The following IQSEC1 variants were observed in gnomAD, a reference collection of about 807,000 sequenced individuals.
The protein encoded by IQSEC1 is IQ motif and Sec7 domain ArfGEF 1, also known as IQ motif and SEC7 domain-containing protein 1.
IQSEC1 carries 31 observed loss-of-function variants against 91.0 expected under a neutral mutation model. The observed-to-expected ratio is 0.34, with a 90% CI of 0.26 to 0.46. The LOEUF (loss-of-function observed/expected upper bound fraction) is 0.46, where lower values mean the gene tolerates loss of function less well. Ranked by LOEUF, IQSEC1 falls within the 20% of genes least tolerant of loss-of-function variation. The pLI is 1.00. For missense variants in IQSEC1, 1,388 were observed against 1,575.6 expected, an observed-to-expected ratio of 0.88 and a Z score of 2.02; for synonymous variants, 699 against 662.6, an observed-to-expected ratio of 1.05 and a Z score of -0.84.
chr3:13,164,922 A>G (rs1289259600), intron 1 of IQSEC1, among the ~76,000 whole-genome samples: 2 of 152,152 alleles, frequency 1.3e-5, no homozygotes, highest in Non-Finnish European at 2.9e-5. Flanking sequence ...AGAAATAAAA[A>G]CTTACTTAAC....
At chr3:13,228,648 G>A (rs1019232845) in intron 1 of IQSEC1, among the ~76,000 whole-genome samples, 1 of 152,164 alleles carries the variant, frequency 6.6e-6, no homozygotes, top group Non-Finnish European at 1.5e-5. Flanking sequence ...GGCCTGCAAG[G>A]AGTGGCAGGA....
At chr3:12,987,568 T>C (rs766900367) in intron 1 of IQSEC1, among the ~76,000 whole-genome samples, 1 of 152,066 alleles carries the variant, frequency 6.6e-6, no homozygotes, top group South Asian at 2.1e-4. Flanking sequence ...ACACGAAAAA[T>C]GTTAATAAAG....
intron 3 of IQSEC1, among the ~76,000 whole-genome samples, chr3:12,926,718 C>T (rs1481618079): frequency 3.3e-5 from 5 of 152,230 alleles, no homozygotes; most frequent in Non-Finnish European, 1.5e-5. Context: ...GAGATGAAAC[C>T]GGTGTCCACC....
intron 1 of IQSEC1, among the ~76,000 whole-genome samples, chr3:13,181,275 AAACAAACAAAC>A (rs370375450): frequency 0.67 from 102,126 of 151,866 alleles, 34,516 homozygotes; most frequent in South Asian, 0.7. Context: ...CGTCTCAAAC[AAACAAACAAAC>A]AAACAAACAA....
At chr3:13,122,571 C>G (rs1290747222) in intron 2 of IQSEC1, among the ~76,000 whole-genome samples, 3 of 152,138 alleles carry the variant, frequency 2.0e-5, no homozygotes. Flanking sequence ...AGGAGACACA[C>G]GGAGTGAGGT....
chr3:12,932,506 G>A (rs1458536807), intron 3 of IQSEC1, among the ~76,000 whole-genome samples: 3 of 152,198 alleles, frequency 2.0e-5, no homozygotes, highest in Non-Finnish European at 2.9e-5. Context: ...ACCATGCCTG[G>A]CGCACCGTCA....
At chr3:12,915,210 T>TC in intron 7 of IQSEC1, 77 bp from the exon 8 acceptor site, 1 of 1,444,680 alleles carries the variant, frequency 6.9e-7, no homozygotes. Context: ...CAAGTGCCCC[T>TC]CCCTACACCT....
intron 1 of IQSEC1, among the ~76,000 whole-genome samples, chr3:13,227,947 AC>A (rs35750766): frequency 1.3e-5 from 2 of 151,674 alleles, no homozygotes; most frequent in African/African-American, 2.4e-5. Context: ...CTTGCCGAGG[AC>A]CCCCCACCAT....
chr3:13,273,386 G>A (rs1471579138), intron 1 of IQSEC1, among the ~76,000 whole-genome samples: 2 of 152,172 alleles, frequency 1.3e-5, no homozygotes, highest in Non-Finnish European at 1.5e-5. Context: ...GCAGAGTCCA[G>A]GGGTGTCGCC....
chr3:12,965,142 T>C (rs1170888549), intron 1 of IQSEC1, among the ~76,000 whole-genome samples: 2 of 152,176 alleles, frequency 1.3e-5, no homozygotes, highest in Admixed American at 1.3e-4. Flanking sequence ...TTAGTGTGTG[T>C]ACCCTTAAAA....
intron 2 of IQSEC1, among the ~76,000 whole-genome samples, chr3:13,127,179 G>C (rs112333684): frequency 1.3e-5 from 2 of 152,052 alleles, no homozygotes; most frequent in Non-Finnish European, 2.9e-5. Flanking sequence ...TTGGGAGGCC[G>C]AGGCAGGTGG....
chr3:13,220,559 T>A (rs1559279968), intron 1 of IQSEC1, among the ~76,000 whole-genome samples: 1 of 152,198 alleles, frequency 6.6e-6, no homozygotes, highest in Non-Finnish European at 1.5e-5. Flanking sequence ...CCTGCTAAAT[T>A]TTCATTGAAT....
chr3:13,140,217 G>C (rs1021968556), intron 2 of IQSEC1, among the ~76,000 whole-genome samples: 1 of 152,126 alleles, frequency 6.6e-6, no homozygotes, highest in African/African-American at 2.4e-5. Context: ...TCAACACACA[G>C]TGGGTTCAGA....
At chr3:13,005,204 T>C (rs761789192) in intron 1 of IQSEC1, among the ~76,000 whole-genome samples, 9 of 152,174 alleles carry the variant, frequency 5.9e-5, no homozygotes, top group Non-Finnish European at 1.0e-4. Flanking sequence ...TTTCTGATGA[T>C]AAACAGGTCT....
rs895031090 is a variant in IQSEC1 at position 12,919,967 on chromosome 3, G to A, written c.2020+463C>T. Among the ~76,000 whole-genome samples the A allele has an allele frequency of 4.0e-4, 61 of 152,228 alleles. 1 individual carries two copies. The highest frequency in any genetic ancestry group is 1.2e-3 in the African/African-American group (49 of 41,452). Reference sequence around the variant, plus strand: ...ACTCCAGTGCCAGCAGCCGGAAGCCGCACTGGGCTAGAACTCAGCAGCACT... The same window carrying A: ...ACTCCAGTGCCAGCAGCCGGAAGCCACACTGGGCTAGAACTCAGCAGCACT... On this transcript the variant is annotated intron_variant, in intron 6 of 13. Transcript: ENST00000613206.
intron 1 of IQSEC1, among the ~76,000 whole-genome samples, chr3:13,240,075 T>TA (rs35722713): frequency 3.7e-4 from 56 of 151,120 alleles, no homozygotes; most frequent in African/African-American, 1.1e-3. Flanking sequence ...AACTTTTAAT[T>TA]AAAAAAAAAC....
At chr3:13,201,559 G>A (rs1019912641) in intron 1 of IQSEC1, among the ~76,000 whole-genome samples, 1 of 152,106 alleles carries the variant, frequency 6.6e-6, no homozygotes, top group African/African-American at 2.4e-5. Context: ...GCTCAGGCTG[G>A]TCTCGAACTC....
At chr3:13,176,429 C>T (rs1271822605) in intron 1 of IQSEC1, among the ~76,000 whole-genome samples, 1 of 152,214 alleles carries the variant, frequency 6.6e-6, no homozygotes, top group Non-Finnish European at 1.5e-5. Context: ...CCACCCTTAC[C>T]CCTAGCCTGA....
chr3:12,957,068 G>A (rs1031523154), intron 1 of IQSEC1, among the ~76,000 whole-genome samples: 5 of 152,196 alleles, frequency 3.3e-5, no homozygotes, highest in Non-Finnish European at 7.3e-5. Flanking sequence ...CAGGAGAAGT[G>A]TTCCCCAGCC....
Sources: allele counts gnomAD v4.1 joint callset (sites outside exome capture counted in the v4.1 genomes callset), GRCh38; gene constraint gnomAD v4.1.1; transcripts MANE v1.5; gene names NCBI Gene and HGNC (gene_info 2026-07-23, HGNC 2026-07-21).